The following NLGN4X variants were observed in gnomAD, a reference collection of about 807,000 sequenced individuals.
NLGN4X encodes neuroligin-4, X-linked.
A neutral mutation model predicts 40.3 loss-of-function variants in NLGN4X; 3 were observed. The ratio of observed to expected loss-of-function variants is 0.07; its 90% CI spans 0.03 to 0.19. The LOEUF is 0.19. Ranked by LOEUF, NLGN4X falls within the 10% of genes least tolerant of loss-of-function variation. The pLI is 1.00. For missense variants in NLGN4X, 382 were observed against 708.3 expected, an observed-to-expected ratio of 0.54 and a Z score of 5.23; for synonymous variants, 270 against 306.8, an observed-to-expected ratio of 0.88 and a Z score of 1.25.
At chrX:6,004,756 T>C (rs2036060011) in intron 3 of NLGN4X, among the ~76,000 whole-genome samples, 1 of 112,085 alleles carries the variant, frequency 8.9e-6, no homozygotes. Flanking sequence ...CCCAACCCTG[T>C]TTCCCCCATT....
At chrX:6,126,583 G>A (rs952193646) in intron 2 of NLGN4X, among the ~76,000 whole-genome samples, 1 of 111,701 alleles carries the variant, frequency 9.0e-6, no homozygotes, top group African/African-American at 3.3e-5. Flanking sequence ...GATATCATTT[G>A]CAAAATAATA....
intron 1 of NLGN4X, among the ~76,000 whole-genome samples, chrX:6,177,161 T>A (rs748637108): frequency 8.9e-6 from 1 of 111,933 alleles, no homozygotes; most frequent in Non-Finnish European, 1.9e-5. Flanking sequence ...GCTTTTTGTT[T>A]GATTGTTTTG....
chrX:6,025,166 ATAAT>A (rs953879443), intron 3 of NLGN4X, among the ~76,000 whole-genome samples: 5 of 111,697 alleles, frequency 4.5e-5, no homozygotes, highest in Non-Finnish European at 9.4e-5. Context: ...GTAGATATAA[ATAAT>A]TACTTTATAG....
intron 2 of NLGN4X, among the ~76,000 whole-genome samples, chrX:6,095,372 A>G (rs1233491204): frequency 8.9e-6 from 1 of 111,790 alleles, no homozygotes; most frequent in Admixed American, 9.5e-5. Flanking sequence ...AGGGCTTGTA[A>G]AACTCATAAG....
intron 2 of NLGN4X, among the ~76,000 whole-genome samples, chrX:6,055,006 A>G (rs978515785): frequency 8.9e-6 from 1 of 111,858 alleles, no homozygotes; most frequent in Non-Finnish European, 1.9e-5. Flanking sequence ...GCCAGAAAAA[A>G]ACCCTGGGAT....
chrX:5,961,080 T>C (rs1027141400), intron 3 of NLGN4X, among the ~76,000 whole-genome samples: 3 of 111,201 alleles, frequency 2.7e-5, no homozygotes, highest in Non-Finnish European at 3.8e-5. Flanking sequence ...CAGGCTGGAG[T>C]GCAGTGGCGC....
At chrX:6,088,135 A>G (rs1006430900) in intron 2 of NLGN4X, among the ~76,000 whole-genome samples, 1 of 112,691 alleles carries the variant, frequency 8.9e-6, no homozygotes. Flanking sequence ...ACCCTTTGGA[A>G]ATTGGCCAAA....
At chrX:5,917,087 C>T (rs530488573) in intron 3 of NLGN4X, among the ~76,000 whole-genome samples, 5 of 112,516 alleles carry the variant, frequency 4.4e-5, no homozygotes, top group African/African-American at 1.3e-4. Context: ...GATATGCTTG[C>T]CTTTTTATAT....
At chrX:6,097,236 C>CTTTTTTTTTTTTTTTTT (rs35401398) in intron 2 of NLGN4X, among the ~76,000 whole-genome samples, 1 of 97,653 alleles carries the variant, frequency 1.0e-5, no homozygotes, top group Admixed American at 1.1e-4. Flanking sequence ...GCTTTCTTGG[C>CTTTTTTTTTTTTTTTTT]TTTTTTTTTT....
chrX:5,918,378 T>A (rs931915157), intron 3 of NLGN4X, among the ~76,000 whole-genome samples: 5 of 112,020 alleles, frequency 4.5e-5, no homozygotes, highest in Non-Finnish European at 9.4e-5. Flanking sequence ...ATTAGATGAA[T>A]GAAAAAGTAA....
chrX:5,905,450 G>A (rs2032122980), intron 4 of NLGN4X, among the ~76,000 whole-genome samples: 1 of 112,010 alleles, frequency 8.9e-6, no homozygotes. Context: ...TGTCTAAACT[G>A]TTTTTCCAGC....
In NLGN4X at chrX:5,893,240, A is replaced by G; in HGVS notation, c.2028T>C (p.Ser676=). ...ETKRDYSTEL[S]VTIAVGASLL... Reference sequence around the variant, plus strand: ...GCGACGCCCCGACGGCAATGGTGACACTTAATTCGGTGGAATAATCTCGTT... The same window carrying G: ...GCGACGCCCCGACGGCAATGGTGACGCTTAATTCGGTGGAATAATCTCGTT... Residue 676 remains serine (S), a synonymous_variant, in exon 6 of 6, where the codon AGT becomes AGC. Coordinates refer to ENST00000381095, the MANE Select transcript of NLGN4X (RefSeq NM_181332.3). 8.3e-7 allele frequency: 1 copy of G among 1,211,183 alleles called. No individual in the cohort carries two copies. The highest frequency in any genetic ancestry group is 1.1e-6 in the Non-Finnish European group (1 of 895,373).
At chrX:6,212,986 C>T (rs750955884) in intron 1 of NLGN4X, among the ~76,000 whole-genome samples, 11 of 111,846 alleles carry the variant, frequency 9.8e-5, no homozygotes, top group African/African-American at 3.6e-4. Flanking sequence ...AATAATTTAT[C>T]GATATTCCAC....
intron 3 of NLGN4X, among the ~76,000 whole-genome samples, chrX:5,964,488 T>C (rs1337997796): frequency 8.9e-6 from 1 of 111,779 alleles, no homozygotes; most frequent in Non-Finnish European, 1.9e-5. Context: ...TGCAATCTTG[T>C]TATTGCTTTT....
At chrX:6,200,687 C>CTTTTTTTTATTCT (rs1923510844) in intron 1 of NLGN4X, among the ~76,000 whole-genome samples, 1 of 55,575 alleles carries the variant, frequency 1.8e-5, no homozygotes, top group African/African-American at 8.7e-5. Flanking sequence ...CTTTCCTTTT[C>CTTTTTTTTATTCT]TTTTTTTTTT....
chrX:6,087,190 T>C (rs2038518069), intron 2 of NLGN4X, among the ~76,000 whole-genome samples: 1 of 111,831 alleles, frequency 8.9e-6, no homozygotes. Context: ...AATCAAAGCC[T>C]CTCTCTAAGG....
chrX:5,964,187 C>T (rs930202483), intron 3 of NLGN4X, among the ~76,000 whole-genome samples: 2 of 111,515 alleles, frequency 1.8e-5, no homozygotes, highest in African/African-American at 6.5e-5. Context: ...GAATAATTTG[C>T]TGGGTATGCA....
At chrX:5,964,559 T>C (rs1260941896) in intron 3 of NLGN4X, among the ~76,000 whole-genome samples, 1 of 112,228 alleles carries the variant, frequency 8.9e-6, no homozygotes, top group African/African-American at 3.2e-5. Context: ...CAGGCTGAAC[T>C]GCAGTGGCAT....
At chrX:5,984,373 CA>C (rs2035471035) in intron 3 of NLGN4X, among the ~76,000 whole-genome samples, 2 of 98,448 alleles carry the variant, frequency 2.0e-5, no homozygotes. Flanking sequence ...AAATTTAATA[CA>C]AAATACAAAA....
Sources: gnomAD v4.1 joint callset for allele counts (sites outside exome capture counted in the v4.1 genomes callset) on GRCh38, gnomAD v4.1.1 for gene constraint, MANE v1.5 for transcripts, NCBI Gene and HGNC (gene_info 2026-07-23, HGNC 2026-07-21) for gene names.